AUTS2: variants seen among roughly 807,000 people sequenced by gnomAD.
The protein encoded by AUTS2 is activator of transcription and developmental regulator AUTS2, also known as autism susceptibility gene 2 protein.
In AUTS2, 17 loss-of-function variants were observed where a neutral mutation model predicts 112.4. The ratio of observed to expected loss-of-function variants is 0.15; its 90% confidence interval spans 0.10 to 0.23. The LOEUF is 0.23. Ranked by LOEUF, AUTS2 falls within the 10% of genes least tolerant of loss-of-function variation. The probability of loss-of-function intolerance (pLI) is 1.00; values close to 1 mark genes in which losing one functional copy is unlikely to be tolerated. For missense variants in AUTS2, 1,510 were observed against 1,701.6 expected, an observed-to-expected ratio of 0.89 and a Z score of 1.98; for synonymous variants, 751 against 702.7, an observed-to-expected ratio of 1.07 and a Z score of -1.09.
intron 1 of AUTS2, among the ~76,000 whole-genome samples, chr7:69,765,525 C>T (rs1788381664): frequency 6.6e-6 from 1 of 152,180 alleles, no homozygotes; most frequent in Admixed American, 6.5e-5. Flanking sequence ...CTGTGTTGCC[C>T]AGGTTGGTCT....
At chr7:69,604,278 A>G (rs1398758453) in intron 1 of AUTS2, among the ~76,000 whole-genome samples, 3 of 152,218 alleles carry the variant, frequency 2.0e-5, no homozygotes, top group Admixed American at 6.5e-5. Context: ...ACAATTTATT[A>G]TGGTCAAATC....
At chr7:70,610,999 A>G (rs1426773138) in intron 5 of AUTS2, among the ~76,000 whole-genome samples, 2 of 152,196 alleles carry the variant, frequency 1.3e-5, no homozygotes, top group Non-Finnish European at 2.9e-5. Context: ...ATGCAATCCT[A>G]TTTGTCTATT....
chr7:70,720,782 C>G (rs2129551265), intron 6 of AUTS2, among the ~76,000 whole-genome samples: 1 of 152,236 alleles, frequency 6.6e-6, no homozygotes, highest in Admixed American at 6.5e-5. Context: ...GCACATTGTT[C>G]TGCTTTGTTA....
In AUTS2 at chr7:70,568,973, A is replaced by G. The variant is rs563769939; in HGVS notation, c.691-129596A>G. Among the ~76,000 whole-genome samples, 3 of 152,348 alleles carry G rather than the reference A, an allele frequency of 2.0e-5. No individual in the cohort carries two copies. The South Asian group carries it at 6.2e-4, about 32-fold the overall frequency. On this transcript the variant is annotated intron_variant, in intron 5 of 18. Transcript: ENST00000342771. ...AAATGGTTCTTGGAAGAGTTGGTAC[A>G]TACTATAAAAATGTCAGCTGGCTCA...
chr7:70,414,873 T>G (rs1049405698), intron 4 of AUTS2, among the ~76,000 whole-genome samples: 3 of 152,208 alleles, frequency 2.0e-5, no homozygotes, highest in Non-Finnish European at 1.5e-5. Context: ...ATAAGCTTCC[T>G]GGACTGTCTG....
chr7:70,654,327 C>T (rs537705991), intron 5 of AUTS2, among the ~76,000 whole-genome samples: 2 of 152,278 alleles, frequency 1.3e-5, no homozygotes, highest in African/African-American at 4.8e-5. Context: ...GTAGCAACTA[C>T]CCAACTTCGC....
chr7:69,890,010 AC>A (rs1481820280), intron 1 of AUTS2, among the ~76,000 whole-genome samples: 2 of 151,930 alleles, frequency 1.3e-5, no homozygotes, highest in African/African-American at 4.8e-5. Flanking sequence ...TGTTGTTGTT[AC>A]GGAGGAGTTA....
intron 6 of AUTS2, among the ~76,000 whole-genome samples, chr7:70,708,276 C>A (rs1809847533): frequency 6.6e-6 from 1 of 152,210 alleles, no homozygotes; most frequent in Non-Finnish European, 1.5e-5. Context: ...CTCCGCAGGA[C>A]CTCTTGGGCT....
chr7:70,296,339 CATTTAT>C (rs1185211263), intron 4 of AUTS2, among the ~76,000 whole-genome samples: 2 of 152,290 alleles, frequency 1.3e-5, no homozygotes, highest in African/African-American at 4.8e-5. Flanking sequence ...TATTCAGAAT[CATTTAT>C]ATTTAGTATA....
At chr7:70,175,644 C>T (rs1030410628) in intron 4 of AUTS2, among the ~76,000 whole-genome samples, 1 of 152,190 alleles carries the variant, frequency 6.6e-6, no homozygotes, top group East Asian at 1.9e-4. Context: ...CAACCATCAA[C>T]ATGTATGCAA....
In AUTS2 at chr7:70,720,315, C is replaced by T. The variant is rs931690065; in HGVS notation, c.742+21695C>T. On this transcript the variant is annotated intron_variant, in intron 6 of 18. Coordinates refer to ENST00000342771, the MANE Select transcript of AUTS2 (RefSeq NM_015570.4). ...AGTTTAAGGAAGTGGTAAGTACACC[C>T]GCTGCCTCGGGGAATACTGTTAGGG... is the stretch of plus-strand genomic sequence containing the variant. Among the ~76,000 whole-genome samples the T allele has an allele frequency of 3.3e-5, 5 of 152,156 alleles. 1 individual carries two copies. In the South Asian group the frequency reaches 1.0e-3, roughly 32 times the overall value.
At chr7:70,175,706 T>G (rs1808951600) in intron 4 of AUTS2, among the ~76,000 whole-genome samples, 1 of 152,150 alleles carries the variant, frequency 6.6e-6, no homozygotes, top group Admixed American at 6.5e-5. Context: ...CCTGCAAAAA[T>G]CCATCCACCA....
intron 5 of AUTS2, among the ~76,000 whole-genome samples, chr7:70,665,294 C>T (rs1250520127): frequency 6.6e-6 from 1 of 151,758 alleles, no homozygotes; most frequent in African/African-American, 2.4e-5. Context: ...GACAGGGTCT[C>T]GTTCTGTTGC....
chr7:70,511,147 C>T (rs1799167173), intron 5 of AUTS2, among the ~76,000 whole-genome samples: 1 of 151,916 alleles, frequency 6.6e-6, no homozygotes, highest in African/African-American at 2.4e-5. Context: ...CTGCGCTCGG[C>T]CTTTAATTTT....
At chr7:69,701,226 C>T (rs1797789721) in intron 1 of AUTS2, among the ~76,000 whole-genome samples, 1 of 152,126 alleles carries the variant, frequency 6.6e-6, no homozygotes, top group South Asian at 2.1e-4. Context: ...TGTAAGTGCT[C>T]AATAAATACT....
intron 2 of AUTS2, among the ~76,000 whole-genome samples, chr7:70,087,554 A>G (rs561656131): frequency 2.0e-5 from 3 of 151,968 alleles, no homozygotes; most frequent in African/African-American, 7.2e-5. Context: ...TGTTTTTAGT[A>G]GAGATGGGGT....
chr7:70,230,522 G>T (rs1584906942), intron 4 of AUTS2, among the ~76,000 whole-genome samples: 1 of 152,330 alleles, frequency 6.6e-6, no homozygotes, highest in Non-Finnish European at 1.5e-5. Flanking sequence ...ATCCATAAAT[G>T]ATTTGGGGAA....
intron 1 of AUTS2, among the ~76,000 whole-genome samples, chr7:69,771,799 T>C (rs1332752682): frequency 2.0e-5 from 3 of 151,602 alleles, no homozygotes; most frequent in African/African-American, 7.3e-5. Flanking sequence ...TTTTTTTTTT[T>C]TGAGATAGAG....
rs886634447 is a variant in AUTS2 at position 69,838,827 on chromosome 7, T to C, written c.310-60459T>C. Among the ~76,000 whole-genome samples the C allele has an allele frequency of 5.3e-5, 8 of 152,278 alleles. No individual in the cohort carries two copies. The East Asian group carries it at 1.3e-3, about 26-fold the overall frequency. On this transcript the variant is annotated intron_variant, in intron 1 of 18. Transcript: ENST00000342771. ...TGCTGTGGCTTCTGAGAAAGCCACA[T>C]GGAGCATAGTTTTATTTTATTTATT...
Sources: gnomAD v4.1 joint callset for allele counts (sites outside exome capture counted in the v4.1 genomes callset) on GRCh38, gnomAD v4.1.1 for gene constraint, MANE v1.5 for transcripts, NCBI Gene and HGNC (gene_info 2026-07-23, HGNC 2026-07-21) for gene names.